DCAF10: variants seen among roughly 807,000 people sequenced by gnomAD.
DCAF10 encodes the protein DDB1- and CUL4-associated factor 10.
DCAF10 carries 19 observed loss-of-function variants against 51.9 expected under a neutral mutation model. The observed-to-expected ratio is 0.37, with a 90% CI of 0.26 to 0.54. The LOEUF is 0.54. Ranked by LOEUF, DCAF10 falls within the 20% of genes least tolerant of loss-of-function variation. DCAF10 has a pLI of 0.87. For missense variants in DCAF10, 510 were observed against 730.6 expected, an observed-to-expected ratio of 0.70 and a Z score of 3.48; for synonymous variants, 291 against 297.1, an observed-to-expected ratio of 0.98 and a Z score of 0.21.
chr9:37,819,497 A>T, intron 2 of DCAF10, 96 bp downstream of exon 2: 1 of 776,258 alleles, frequency 1.3e-6, no homozygotes, highest in East Asian at 2.7e-5. Flanking sequence ...TGCCTTATCC[A>T]GCACTGCTAG....
At chr9:37,814,117 TATATATATATTTG>T (rs1234810227) in intron 1 of DCAF10, among the ~76,000 whole-genome samples, 1 of 90,228 alleles carries the variant, frequency 1.1e-5, no homozygotes, top group African/African-American at 4.3e-5. Context: ...TATATATATA[TATATATATATTTG>T]TTGTTGTTGT....
intron 1 of DCAF10, among the ~76,000 whole-genome samples, chr9:37,814,296 G>A (rs987872201): frequency 9.9e-5 from 14 of 140,960 alleles, no homozygotes; most frequent in African/African-American, 3.4e-4. Flanking sequence ...GTGCCACCAC[G>A]CCGGCTTTTT....
In DCAF10 at chr9:37,800,809, G is replaced by T. The variant is rs897802434; in HGVS notation, c.-58G>T. ...CGCCGGAAGTGGCAGCTGAACAGGG[G>T]CACTGAGGTGTCGGCCGGCGGGGCA... On this transcript the variant is annotated 5_prime_UTR_variant, in exon 1 of 7. Coordinates refer to ENST00000377724, the MANE Select transcript of DCAF10 (RefSeq NM_024345.5). 4.0e-6 allele frequency: 6 copies of T among 1,500,138 alleles called. No individual in the cohort carries two copies. Among genetic ancestry groups the T allele is most frequent in the South Asian group, 3.9e-5 (3 of 77,734 alleles). The allele number at this position is 1,500,138 out of a possible 1,614,324, so 92.9% of individuals were successfully genotyped here. A position where few individuals can be genotyped will look rare whatever the true frequency, so the allele number is the denominator to read the frequency against.
chr9:37,819,764 A>G (rs1054318647), intron 2 of DCAF10, among the ~76,000 whole-genome samples: 2 of 152,192 alleles, frequency 1.3e-5, no homozygotes, highest in Non-Finnish European at 2.9e-5. Context: ...CTTCCACCCT[A>G]CCACTCTCTG....
At chr9:37,856,660 C>T (rs1830857925) in intron 4 of DCAF10, among the ~76,000 whole-genome samples, 2 of 152,072 alleles carry the variant, frequency 1.3e-5, no homozygotes, top group South Asian at 4.1e-4. Context: ...ACAGTATTCA[C>T]ATAAACTTGG....
At chr9:37,805,131 A>C (rs1829073142) in intron 1 of DCAF10, among the ~76,000 whole-genome samples, 1 of 152,322 alleles carries the variant, frequency 6.6e-6, no homozygotes, top group South Asian at 2.1e-4. Flanking sequence ...TAATCTGATA[A>C]TGTCTTTTGG....
chr9:37,853,108 C>T (rs7859653), intron 3 of DCAF10, among the ~76,000 whole-genome samples: 2,111 of 142,294 alleles, frequency 0.015, 25 homozygotes, highest in Middle Eastern at 0.041. Flanking sequence ...GCCAAGATCG[C>T]GCCATTGCAC....
At position 37,861,815 on chromosome 9, in the gene DCAF10, T is replaced by G. The variant is rs1483310840; in HGVS notation, c.*307T>G. ...CTTGTCACGTTCCTTCCTTCCTCAC[T>G]CTCTATTTCTCTTTCCCTCTCCCTG... is the stretch of plus-strand genomic sequence containing the variant. On this transcript the variant is annotated 3_prime_UTR_variant, in exon 7 of 7. Coordinates refer to ENST00000377724, the MANE Select transcript of DCAF10 (RefSeq NM_024345.5). This position sits in a 1 kb window ranked among gnomAD's most constrained non-coding sequence, Gnocchi z 4.9. 2.8e-5 allele frequency: 7 copies of G among 248,652 alleles called. No individual in the cohort carries two copies. Among genetic ancestry groups the G allele is most frequent in the Non-Finnish European group, 5.5e-5 (7 of 126,602 alleles). The allele number at this position is 248,652 out of a possible 1,614,324, so 15.4% of individuals were successfully genotyped here.
chr9:37,863,632 T>A lies in DCAF10; in HGVS notation c.*2124T>A, dbSNP rs1831073001. The A allele has an allele frequency of 6.6e-6, 1 of 152,208 alleles. No homozygotes were observed. The highest frequency in any genetic ancestry group is 1.5e-5 in the Non-Finnish European group (1 of 68,024). The allele number at this position is 152,208 out of a possible 1,614,324, so 9.4% of individuals were successfully genotyped here. ...GAAATAATGACTTATGGACACTTTG[T>A]CTTTAAGTTGTATTATTGTAAATAC... On this transcript the variant is annotated 3_prime_UTR_variant, in exon 7 of 7. Coordinates refer to ENST00000377724, the MANE Select transcript of DCAF10 (RefSeq NM_024345.5).
intron 3 of DCAF10, among the ~76,000 whole-genome samples, chr9:37,852,965 T>TATATATATATATATAA (rs1281431404): frequency 2.0e-5 from 2 of 101,068 alleles, no homozygotes; most frequent in Non-Finnish European, 2.3e-5. Flanking sequence ...TATATATATA[T>TATATATATATATATAA]AAATTAGCTT....
rs1325899585 is a variant in DCAF10 at position 37,865,957 on chromosome 9, A to G, written c.*4449A>G. The G allele has an allele frequency of 6.6e-6, 1 of 152,658 alleles. No homozygotes were observed. The highest frequency in any genetic ancestry group is 1.9e-4 in the East Asian group (1 of 5,204). The allele number at this position is 152,658 out of a possible 1,614,324, so 9.5% of individuals were successfully genotyped here. ...AGGGAAAACACTCTAAGAATCTTTT[A>G]AAAGCCTAGTGTTTCCCTTATTTGT... On this transcript the variant is annotated 3_prime_UTR_variant, in exon 7 of 7. Coordinates refer to ENST00000377724, the MANE Select transcript of DCAF10 (RefSeq NM_024345.5).
Position 37,863,985 on chromosome 9 carries a change from C to T in DCAF10, c.*2477C>T, listed in dbSNP as rs1831081215. On this transcript the variant is annotated 3_prime_UTR_variant, in exon 7 of 7. Transcript: ENST00000377724. ...CTTACCATACATTTTGTAAAAAACA[C>T]ATTTTTTAAAGAAAATAGGGATGGG... The T allele has an allele frequency of 6.6e-6, 1 of 151,906 alleles. No individual in the cohort carries two copies. Among genetic ancestry groups the T allele is most frequent in the Admixed American group, 6.6e-5 (1 of 15,192 alleles). 9.4% of individuals were successfully genotyped at this position (151,906 alleles called of 1,614,324 possible). A position where few individuals can be genotyped will look rare whatever the true frequency, so the allele number is the denominator to read the frequency against.
At chr9:37,851,157 T>C (rs1349967523) in intron 3 of DCAF10, among the ~76,000 whole-genome samples, 1 of 151,564 alleles carries the variant, frequency 6.6e-6, no homozygotes, top group Admixed American at 6.6e-5. Flanking sequence ...GGCAGGAGAA[T>C]TGCTTGAACC....
intron 2 of DCAF10, among the ~76,000 whole-genome samples, chr9:37,825,505 A>C (rs1340962465): frequency 6.6e-6 from 1 of 152,218 alleles, no homozygotes; most frequent in Non-Finnish European, 1.5e-5. Context: ...TCTCACTTAG[A>C]AGTGGGAGCT....
intron 1 of DCAF10, among the ~76,000 whole-genome samples, chr9:37,817,183 A>T (rs1247185491): frequency 2.6e-5 from 4 of 152,186 alleles, no homozygotes; most frequent in African/African-American, 7.2e-5. Flanking sequence ...TGTATCTTTT[A>T]AAAAAATATG....
At chr9:37,836,034 C>T in intron 2 of DCAF10, 1 of 1,063,584 alleles carries the variant, frequency 9.4e-7, no homozygotes, top group Admixed American at 1.7e-5. Context: ...ACGCCGTCCG[C>T]GCCGCCACGG....
rs1219208714 is a variant in DCAF10, at chr9:37,865,476, GA to G, written c.*3969del. On this transcript the variant is annotated 3_prime_UTR_variant, in exon 7 of 7. Transcript: ENST00000377724. ...TTCACTTAAGAGTAAAATCTAATCT[GA>G]TGTTTTTTACTCTGAATTTTATTCA... 1 of 152,130 alleles carries G rather than the reference GA, an allele frequency of 6.6e-6. No homozygotes were observed. Among genetic ancestry groups the G allele is most frequent in the Non-Finnish European group, 1.5e-5 (1 of 68,022 alleles). 9.4% of individuals were successfully genotyped at this position (152,130 alleles called of 1,614,324 possible). A position where few individuals can be genotyped will look rare whatever the true frequency, so the allele number is the denominator to read the frequency against.
At chr9:37,830,100 G>A (rs1489473916) in intron 2 of DCAF10, among the ~76,000 whole-genome samples, 1 of 152,056 alleles carries the variant, frequency 6.6e-6, no homozygotes, top group Admixed American at 6.6e-5. Context: ...ATAGAGAGAA[G>A]TTGGAAACGA....
At chr9:37,824,005 C>T (rs771243589) in intron 2 of DCAF10, among the ~76,000 whole-genome samples, 13 of 151,590 alleles carry the variant, frequency 8.6e-5, no homozygotes, top group East Asian at 1.9e-4. Flanking sequence ...CTCAGCCTCC[C>T]GAGTAGCTGG....
Sources: gnomAD v4.1 joint callset for allele counts (sites outside exome capture counted in the v4.1 genomes callset) on GRCh38, gnomAD v4.1.1 for gene constraint, Gnocchi (gnomAD v3.1) non-coding constraint, MANE v1.5 for transcripts, NCBI Gene and HGNC (gene_info 2026-07-23, HGNC 2026-07-21) for gene names.